Variants in NOVA1 observed in about 807,000 individuals in gnomAD.
NOVA1 encodes RNA-binding protein Nova-1.
A neutral mutation model predicts 38.0 loss-of-function variants in NOVA1; 7 were observed. The observed-to-expected ratio is 0.18, with a 90% CI of 0.10 to 0.35. The LOEUF (loss-of-function observed/expected upper bound fraction) is 0.35, where lower values mean the gene tolerates loss of function less well. Among genes scored for constraint, NOVA1 ranks in the 10% least tolerant of loss-of-function variants. The pLI is 1.00. For missense variants in NOVA1, 460 were observed against 616.0 expected (o/e 0.75, Z 2.68); for synonymous variants, 270 against 232.5 (o/e 1.16, Z -1.47).
chr14:26,559,269 A>G (rs1041761287), intron 2 of NOVA1, among the ~76,000 whole-genome samples: 2 of 152,130 alleles, frequency 1.3e-5, no homozygotes, highest in Non-Finnish European at 2.9e-5. Flanking sequence ...TAGCCACATT[A>G]AAGAGTCTCG....
At chr14:26,571,931 A>G (rs1892505129) in intron 2 of NOVA1, among the ~76,000 whole-genome samples, 1 of 152,214 alleles carries the variant, frequency 6.6e-6, no homozygotes, top group Non-Finnish European at 1.5e-5. Context: ...CTACTTAAAT[A>G]TAAATAAAGA....
At chr14:26,550,679 G>A (rs1050238832) in intron 2 of NOVA1, among the ~76,000 whole-genome samples, 1 of 152,116 alleles carries the variant, frequency 6.6e-6, no homozygotes, top group Admixed American at 6.6e-5. Flanking sequence ...CAGCTACTAT[G>A]TATATACTAC....
chr14:26,539,503 G>A (rs1319014459), intron 2 of NOVA1, among the ~76,000 whole-genome samples: 1 of 151,276 alleles, frequency 6.6e-6, no homozygotes. Context: ...AATATAAAAA[G>A]TGGATTTATA....
chr14:26,473,938 G>T (rs1339423773), intron 3 of NOVA1, among the ~76,000 whole-genome samples: 2 of 151,888 alleles, frequency 1.3e-5, no homozygotes, highest in African/African-American at 4.8e-5. Context: ...TCTCAAGAGA[G>T]ACTTCATTTC....
At chr14:26,492,920 G>A (rs1169883042) in intron 2 of NOVA1, among the ~76,000 whole-genome samples, 2 of 151,874 alleles carry the variant, frequency 1.3e-5, no homozygotes, top group African/African-American at 4.8e-5. Context: ...GCTACAGAGT[G>A]AGGCTCTGTC....
At chr14:26,568,682 G>A (rs1208574543) in intron 2 of NOVA1, among the ~76,000 whole-genome samples, 1 of 152,246 alleles carries the variant, frequency 6.6e-6, no homozygotes, top group East Asian at 1.9e-4. Context: ...ACTAGAGCAT[G>A]TAAGGGGACA....
chr14:26,579,888 CTTTT>C (rs974814972), intron 2 of NOVA1, among the ~76,000 whole-genome samples: 1 of 151,936 alleles, frequency 6.6e-6, no homozygotes, highest in South Asian at 2.1e-4. Context: ...AATTAAATTA[CTTTT>C]ATTTACTTAT....
At chr14:26,468,088 G>A (rs1352751724) in intron 4 of NOVA1, among the ~76,000 whole-genome samples, 1 of 152,240 alleles carries the variant, frequency 6.6e-6, no homozygotes, top group Non-Finnish European at 1.5e-5. Context: ...TAGAGGTGGT[G>A]AGAACGTTAC....
intron 4 of NOVA1, among the ~76,000 whole-genome samples, chr14:26,454,387 G>A (rs1594321640): frequency 6.6e-6 from 1 of 152,016 alleles, no homozygotes; most frequent in African/African-American, 2.4e-5. Flanking sequence ...GAAACTTGTC[G>A]ATAAAGAGAT....
chr14:26,472,783 G>A (rs1005195613), intron 3 of NOVA1, among the ~76,000 whole-genome samples: 9 of 151,256 alleles, frequency 6.0e-5, no homozygotes, highest in Non-Finnish European at 8.8e-5. Context: ...CTTTCCTATC[G>A]ATGAATACAG....
intron 2 of NOVA1, among the ~76,000 whole-genome samples, chr14:26,545,397 T>C (rs556053175): frequency 6.6e-6 from 1 of 152,082 alleles, no homozygotes; most frequent in Admixed American, 6.5e-5. Flanking sequence ...AAAAGAATGG[T>C]GCATTCCAAT....
chr14:26,567,226 C>G (rs1175001458), intron 2 of NOVA1, among the ~76,000 whole-genome samples: 1 of 150,850 alleles, frequency 6.6e-6, no homozygotes, highest in Non-Finnish European at 1.5e-5. Flanking sequence ...ATAAAAACTG[C>G]CTTCAGAAAA....
chr14:26,482,004 AAAAAAAAAAAC>A lies in NOVA1; in HGVS notation c.281-1872_281-1862del, dbSNP rs762078844. On this transcript the variant is annotated intron_variant, in intron 2 of 4. Transcript: ENST00000539517. ...AGATAGAGATAAAAAAAAAAAAAAA[AAAAAAAAAAAC>A]ATGGCTCTAAATAACTAAAGAGATT... Among the ~76,000 whole-genome samples the A allele has an allele frequency of 6.2e-3, 933 of 150,846 alleles. 8 individuals are homozygous for A. Among genetic ancestry groups the A allele is most frequent in the Non-Finnish European group, 0.01 (680 of 67,602 alleles).
chr14:26,548,557 A>C (rs928966158), intron 2 of NOVA1, among the ~76,000 whole-genome samples: 11 of 152,242 alleles, frequency 7.2e-5, no homozygotes, highest in African/African-American at 2.2e-4. Context: ...CTAAAAAAAA[A>C]CCCTAAAATA....
intron 2 of NOVA1, among the ~76,000 whole-genome samples, chr14:26,511,976 T>C (rs1472030967): frequency 1.3e-5 from 2 of 152,134 alleles, no homozygotes; most frequent in African/African-American, 4.8e-5. Flanking sequence ...GGGAAAACTA[T>C]TATGTTAAGC....
intron 4 of NOVA1, among the ~76,000 whole-genome samples, chr14:26,450,196 G>A (rs555309885): frequency 6.6e-6 from 1 of 152,148 alleles, no homozygotes; most frequent in South Asian, 2.1e-4. Context: ...TTCTATGAGG[G>A]ATTTCATTAG....
At chr14:26,574,285 C>T (rs75819609) in intron 2 of NOVA1, among the ~76,000 whole-genome samples, 1 of 121,380 alleles carries the variant, frequency 8.2e-6, no homozygotes, top group Non-Finnish European at 1.7e-5. Context: ...CCCCCCGCCC[C>T]CTCGGCCTCC....
intron 2 of NOVA1, among the ~76,000 whole-genome samples, chr14:26,594,879 G>A (rs192091742): frequency 4.6e-5 from 7 of 152,078 alleles, no homozygotes; most frequent in Admixed American, 3.9e-4. Flanking sequence ...TATATCAATT[G>A]CATTAAAACT....
rs1424720887 is a variant in NOVA1 at position 26,443,249 on chromosome 14, T to C, written c.*4710A>G. The C allele has an allele frequency of 6.6e-6, 1 of 152,032 alleles. No homozygotes were observed. Among genetic ancestry groups the C allele is most frequent in the Admixed American group, 6.6e-5 (1 of 15,258 alleles). The allele number at this position is 152,032 out of a possible 1,614,324, so 9.4% of individuals were successfully genotyped here. ...CCCAAGTATTGGCTTCTGTACCACT[T>C]TGTAATGAGACAATTGCCTTTCCAT... On this transcript the variant is annotated 3_prime_UTR_variant, in exon 5 of 5. Transcript: ENST00000539517.
Sources: allele counts gnomAD v4.1 joint callset (sites outside exome capture counted in the v4.1 genomes callset), GRCh38; gene constraint gnomAD v4.1.1; transcripts MANE v1.5; gene names NCBI Gene and HGNC (gene_info 2026-07-23, HGNC 2026-07-21).